Variants in PKNOX2 observed in about 807,000 individuals in gnomAD.
The protein encoded by PKNOX2 is PBX/knotted 1 homeobox 2, also known as homeobox protein PKNOX2.
PKNOX2 carries 14 observed loss-of-function variants against 53.1 expected under a neutral mutation model. That is an observed-to-expected ratio of 0.26 (90% CI 0.17 to 0.41). PKNOX2 has a LOEUF of 0.41. Among genes scored for constraint, PKNOX2 ranks in the 10% least tolerant of loss-of-function variants. The probability of loss-of-function intolerance (pLI) is 1.00; values close to 1 mark genes in which losing one functional copy is unlikely to be tolerated. For synonymous variants in PKNOX2, 257 were observed against 242.8 expected (o/e 1.06, Z -0.54); for missense variants, 496 against 602.8 (o/e 0.82, Z 1.85).
intron 10 of PKNOX2, among the ~76,000 whole-genome samples, chr11:125,414,558 A>T (rs367603537): frequency 1.3e-5 from 2 of 152,154 alleles, no homozygotes; most frequent in African/African-American, 4.8e-5. Flanking sequence ...GGCAGGCCAC[A>T]CCTGGGCCAC....
At chr11:125,408,220 G>A (rs1955234816) in intron 7 of PKNOX2, among the ~76,000 whole-genome samples, 1 of 152,202 alleles carries the variant, frequency 6.6e-6, no homozygotes, top group South Asian at 2.1e-4. Context: ...CTTCAGGGAG[G>A]GGAAATGTGT....
intron 1 of PKNOX2, among the ~76,000 whole-genome samples, chr11:125,196,823 C>T (rs987581059): frequency 6.6e-6 from 1 of 152,120 alleles, no homozygotes; most frequent in African/African-American, 2.4e-5. Context: ...ATGAAATATC[C>T]CTGATGATTA....
rs187403347 is a variant in PKNOX2, at chr11:125,359,317, G to A, written c.87+7925G>A. Among the ~76,000 whole-genome samples, 4 of 152,214 alleles carry A rather than the reference G, an allele frequency of 2.6e-5. No homozygotes were observed. The East Asian group carries it at 5.8e-4, about 22-fold the overall frequency. On this transcript the variant is annotated intron_variant, in intron 4 of 12. Transcript: ENST00000298282. ...TTAGCGAAGGGTCCCTCTGCCCCAG[G>A]GGCAACACCCCAGGGACCATATGGG...
chr11:125,374,708 C>T (rs1416105234), intron 5 of PKNOX2, among the ~76,000 whole-genome samples: 1 of 152,094 alleles, frequency 6.6e-6, no homozygotes, highest in African/African-American at 2.4e-5. Context: ...TCCAGGGTCC[C>T]CGCCAAGACC....
Position 125,366,734 on chromosome 11 carries a change from A to G in PKNOX2, c.88-1112A>G, listed in dbSNP as rs1331001894. On this transcript the variant is annotated intron_variant, in intron 4 of 12. Transcript: ENST00000298282. ...CAGCAATGCTTGTATTCACAGACAT[A>G]TAACACTTTTTCTTCCAGAAAGCAG... 2.6e-5 allele frequency among the ~76,000 whole-genome samples: 4 copies of G among 152,390 alleles called. No homozygotes were observed. The East Asian group carries it at 7.7e-4, about 29-fold the overall frequency.
chr11:125,252,785 C>T (rs370144028), intron 2 of PKNOX2, among the ~76,000 whole-genome samples: 1 of 152,200 alleles, frequency 6.6e-6, no homozygotes, highest in South Asian at 2.1e-4. Context: ...GGACCTCTAC[C>T]AACCCGGCCT....
intron 1 of PKNOX2, among the ~76,000 whole-genome samples, chr11:125,204,370 C>T (rs559993805): frequency 1.2e-4 from 19 of 152,298 alleles, no homozygotes; most frequent in African/African-American, 4.6e-4. Flanking sequence ...CTGTGTGGGG[C>T]TGAGATTCTG....
rs1953559649 is a variant in PKNOX2, at chr11:125,385,465, G to C, written c.228-86G>C. ...ACCTTGGGAGAAGTGAGGGGAACGT[G>C]GGCAGGGGAGCCTGGTGGCTTCTGA... On this transcript the variant is annotated intron_variant, in intron 5 of 12. Transcript: ENST00000298282. 4.9e-6 allele frequency: 7 copies of C among 1,434,300 alleles called. No individual in the cohort carries two copies. The Admixed American group carries it at 1.7e-4, about 34-fold the overall frequency. The allele number at this position is 1,434,300 out of a possible 1,614,324, so 88.8% of individuals were successfully genotyped here. A position where few individuals can be genotyped will look rare whatever the true frequency, so the allele number is the denominator to read the frequency against.
intron 2 of PKNOX2, among the ~76,000 whole-genome samples, chr11:125,313,547 G>C (rs1356682213): frequency 3.9e-5 from 6 of 152,086 alleles, no homozygotes; most frequent in Non-Finnish European, 2.9e-5. Flanking sequence ...CTTTACCTTG[G>C]TTTCATTTTG....
chr11:125,184,150 G>T (rs1317465861), intron 1 of PKNOX2: 1 of 152,186 alleles, frequency 6.6e-6, no homozygotes, highest in Admixed American at 6.5e-5. Context: ...CCTGAGGGCG[G>T]GTCATCACAA....
At position 125,403,187 on chromosome 11, in the gene PKNOX2, C is replaced by T. The variant is rs149099649; in HGVS notation, c.588+5125C>T. Among the ~76,000 whole-genome samples the T allele has an allele frequency of 1.8e-3, 281 of 152,192 alleles. 1 individual carries two copies. Among genetic ancestry groups the T allele is most frequent in the African/African-American group, 6.6e-3 (273 of 41,508 alleles). On this transcript the variant is annotated intron_variant, in intron 7 of 12. Coordinates refer to ENST00000298282, the MANE Select transcript of PKNOX2 (RefSeq NM_001382323.2). The stretch of plus-strand genomic sequence containing the variant: ...AGGCACCTCTGGAGCCTACTGAGTT[C>T]TGGGGATATAAAAAATGGATGCGAC...
intron 1 of PKNOX2, among the ~76,000 whole-genome samples, chr11:125,181,985 G>A (rs1591471808): frequency 6.6e-6 from 1 of 152,220 alleles, no homozygotes; most frequent in Admixed American, 6.5e-5. Flanking sequence ...GGACACAGAG[G>A]TTTTGTTGAT....
intron 2 of PKNOX2, among the ~76,000 whole-genome samples, chr11:125,269,481 G>A (rs1313733517): frequency 6.6e-6 from 1 of 152,162 alleles, no homozygotes; most frequent in East Asian, 1.9e-4. Context: ...ATTCCATTTT[G>A]TAATCATAGC....
At chr11:125,316,877 C>A (rs1384174416) in intron 2 of PKNOX2, among the ~76,000 whole-genome samples, 2 of 152,114 alleles carry the variant, frequency 1.3e-5, no homozygotes, top group Non-Finnish European at 2.9e-5. Flanking sequence ...ACAGACTCAC[C>A]GTCTCACAAA....
chr11:125,413,957 C>T (rs1955722040), intron 10 of PKNOX2, among the ~76,000 whole-genome samples: 1 of 152,188 alleles, frequency 6.6e-6, no homozygotes, highest in East Asian at 1.9e-4. Flanking sequence ...CCCTTCACTA[C>T]TTTCCACTCC....
intron 1 of PKNOX2, among the ~76,000 whole-genome samples, chr11:125,173,745 G>C (rs916564555): frequency 6.6e-6 from 1 of 152,204 alleles, no homozygotes; most frequent in Non-Finnish European, 1.5e-5. Flanking sequence ...GTGTGGCCTT[G>C]GTCTGCCAGC....
At chr11:125,328,655 CCT>C (rs898431279) in intron 2 of PKNOX2, among the ~76,000 whole-genome samples, 2 of 152,316 alleles carry the variant, frequency 1.3e-5, no homozygotes, top group African/African-American at 4.8e-5. Flanking sequence ...GCCGCCTCTG[CCT>C]CTCCTTCCGG....
chr11:125,223,082 T>C (rs1002044793), intron 1 of PKNOX2, among the ~76,000 whole-genome samples: 1 of 152,194 alleles, frequency 6.6e-6, no homozygotes, highest in African/African-American at 2.4e-5. Flanking sequence ...ATATTACAAG[T>C]GGACATCCTC....
intron 2 of PKNOX2, among the ~76,000 whole-genome samples, chr11:125,256,563 T>C (rs1944413239): frequency 6.6e-6 from 1 of 152,184 alleles, no homozygotes; most frequent in Non-Finnish European, 1.5e-5. Flanking sequence ...AAGCCAGTGC[T>C]GGGGTTGCCA....
Sources: allele counts gnomAD v4.1 joint callset (sites outside exome capture counted in the v4.1 genomes callset), GRCh38; gene constraint gnomAD v4.1.1; transcripts MANE v1.5; gene names NCBI Gene and HGNC (gene_info 2026-07-23, HGNC 2026-07-21).